Variants in METTL6 observed in about 807,000 individuals in gnomAD.
METTL6 encodes the protein methyltransferase 6, tRNA N3-cytidine.
METTL6 carries 22 observed loss-of-function variants against 26.4 expected under a neutral mutation model. The ratio of observed to expected loss-of-function variants is 0.83; its 90% CI spans 0.59 to 1.19. METTL6 has a LOEUF of 1.19. Among genes scored for constraint, METTL6 ranks in the 50% most tolerant of loss-of-function variants. The probability of loss-of-function intolerance (pLI) is 0.00; values close to 1 mark genes in which losing one functional copy is unlikely to be tolerated. For missense variants in METTL6, 304 were observed against 324.8 expected, an observed-to-expected ratio of 0.94 and a Z score of 0.49; for synonymous variants, 109 against 116.2, an observed-to-expected ratio of 0.94 and a Z score of 0.40.
intron 5 of METTL6, among the ~76,000 whole-genome samples, chr3:15,412,336 C>T (rs778667524): frequency 6.6e-6 from 1 of 152,190 alleles, no homozygotes; most frequent in Non-Finnish European, 1.5e-5. Context: ...AATAAAGACT[C>T]GTACTAAGAG....
intron 3 of METTL6, among the ~76,000 whole-genome samples, chr3:15,421,029 T>C (rs2061601398): frequency 1.3e-5 from 2 of 152,202 alleles, no homozygotes; most frequent in South Asian, 2.1e-4. Context: ...GAACTAGACA[T>C]AGTCCTGTAC....
In METTL6 at chr3:15,398,314, C is replaced by A. The variant is rs528923275; in HGVS notation, c.*11+12931G>T. ...GTTCAAGTGATTCTCCTGCCTCAGCCTCCCAAGTAGCTGGGATTACAGGCG... is the reference window on the plus strand; with the variant it reads ...GTTCAAGTGATTCTCCTGCCTCAGCATCCCAAGTAGCTGGGATTACAGGCG... On this transcript the variant is annotated intron_variant, in intron 6 of 6. Transcript: ENST00000443029. Among the ~76,000 whole-genome samples, 4 of 152,280 alleles carry A rather than the reference C, an allele frequency of 2.6e-5. No individual in the cohort carries two copies. In the South Asian group the frequency reaches 8.3e-4, roughly 32 times the overall value.
chr3:15,404,758 T>C (rs1326477359), intron 6 of METTL6, among the ~76,000 whole-genome samples: 1 of 152,166 alleles, frequency 6.6e-6, no homozygotes, highest in Non-Finnish European at 1.5e-5. Context: ...TAGTGCACTG[T>C]AGCCTTGAAC....
chr3:15,411,046 C>T lies in METTL6; in HGVS notation c.*210G>A. On this transcript the variant is annotated 3_prime_UTR_variant, in exon 6 of 6. Coordinates refer to ENST00000383790, the MANE Select transcript of METTL6 (RefSeq NM_152396.4). Reference sequence around the variant, plus strand: ...TAGCTGGGATTACAGGCACTCGCCACTATGCCCAGCTAATTTTTTTGTATT... The same window carrying T: ...TAGCTGGGATTACAGGCACTCGCCATTATGCCCAGCTAATTTTTTTGTATT... 4.1e-6 allele frequency: 2 copies of T among 484,858 alleles called. No homozygotes were observed. Among genetic ancestry groups the T allele is most frequent in the South Asian group, 5.4e-5 (2 of 36,770 alleles). 30.0% of individuals were successfully genotyped at this position (484,858 alleles called of 1,614,324 possible).
downstream of METTL6, among the ~76,000 whole-genome samples, chr3:15,408,705 G>C (rs1699868404): frequency 6.6e-6 from 1 of 151,790 alleles, no homozygotes; most frequent in Non-Finnish European, 1.5e-5. Context: ...CTCCCAAGTA[G>C]GTGGGACTAC....
upstream of METTL6, chr3:15,427,545 C>G: frequency 1.8e-6 from 1 of 547,616 alleles, no homozygotes; most frequent in East Asian, 3.4e-5. Flanking sequence ...CGCTAGGAAC[C>G]CGGAAGTTCC....
At chr3:15,391,971 G>A (rs1699361762) in intron 6 of METTL6, among the ~76,000 whole-genome samples, 1 of 152,154 alleles carries the variant, frequency 6.6e-6, no homozygotes, top group Admixed American at 6.5e-5. Flanking sequence ...ATGTGCATGT[G>A]TCTTTATAGC....
At chr3:15,425,753 T>A (rs1056263454) in intron 2 of METTL6, among the ~76,000 whole-genome samples, 5 of 152,128 alleles carry the variant, frequency 3.3e-5, no homozygotes, top group Admixed American at 2.6e-4. Flanking sequence ...AACTATCAGA[T>A]CAGCTTAAAG....
chr3:15,411,532 A>T (rs966759065), intron 5 of METTL6, 95 bp from the exon 6 acceptor site: 2 of 1,232,572 alleles, frequency 1.6e-6, no homozygotes, highest in Admixed American at 2.9e-5. Context: ...GGCTATTTTA[A>T]TATTTTTTTA....
At chr3:15,398,740 C>T (rs185203872) in intron 6 of METTL6, among the ~76,000 whole-genome samples, 6 of 152,286 alleles carry the variant, frequency 3.9e-5, no homozygotes, top group Admixed American at 1.3e-4. Flanking sequence ...GTCCTAGCTA[C>T]TCAGGAGGCT....
rs1236142585 is a variant in METTL6 at position 15,409,903 on chromosome 3, T to A, written c.*1353A>T. Among the ~76,000 whole-genome samples the A allele has an allele frequency of 1.3e-5, 2 of 152,082 alleles. No homozygotes were observed. Among genetic ancestry groups the A allele is most frequent in the African/African-American group, 4.8e-5 (2 of 41,378 alleles). ...ACAGAACACTCCTTTAGGCTAGAAA[T>A]ATATATGAGTGTCTTATTTTAGTCT... On this transcript the variant is annotated 3_prime_UTR_variant, in exon 6 of 6. Coordinates refer to ENST00000383790, the MANE Select transcript of METTL6 (RefSeq NM_152396.4).
chr3:15,423,125 G>C (rs2061642707), intron 3 of METTL6, among the ~76,000 whole-genome samples: 1 of 152,214 alleles, frequency 6.6e-6, no homozygotes, highest in Admixed American at 6.5e-5. Context: ...GCCAGGCGTG[G>C]TGGCTCACGC....
At chr3:15,406,619 TATATATATATAGAGAGAGAGAG>T (rs1402908275), downstream of METTL6, among the ~76,000 whole-genome samples, 6 of 43,476 alleles carry the variant, frequency 1.4e-4, no homozygotes, top group Admixed American at 5.3e-4. Context: ...TATATATATA[TATATATATATAGAGAGAGAGAG>T]AGAGAGAGAG....
chr3:15,413,609 A>G (rs1575419997), intron 5 of METTL6: 1 of 1,172,062 alleles, frequency 8.5e-7, no homozygotes, highest in South Asian at 1.7e-5. Flanking sequence ...AACAGATCCA[A>G]TCAATTCTAC....
intron 6 of METTL6, among the ~76,000 whole-genome samples, chr3:15,385,682 A>C (rs190773748): frequency 6.6e-6 from 1 of 152,226 alleles, no homozygotes; most frequent in South Asian, 2.1e-4. Flanking sequence ...CAACATAACA[A>C]GACCCTGTCT....
At chr3:15,394,476 G>GT (rs1174945631) in intron 6 of METTL6, among the ~76,000 whole-genome samples, 7 of 150,902 alleles carry the variant, frequency 4.6e-5, no homozygotes, top group Admixed American at 4.0e-4. Context: ...TTTTTGAAGG[G>GT]TTTTTTGTGT....
rs557125514 is a variant in METTL6, at chr3:15,392,362, ATTTG to A, written c.*12-8179_*12-8176del. 1.6e-3 allele frequency among the ~76,000 whole-genome samples: 239 copies of A among 151,984 alleles called. 1 individual carries two copies. The highest frequency in any genetic ancestry group is 5.5e-3 in the African/African-American group (227 of 41,418). ...GATGGGGTTGTTTTTTTTCTTGTAA[ATTTG>A]TTTGAGTTCATTGTAGATTCTGGAT... On this transcript the variant is annotated intron_variant, in intron 6 of 6. Transcript: ENST00000443029.
chr3:15,415,164 T>C lies in METTL6; in HGVS notation c.531+608A>G, dbSNP rs1353504100. 3.3e-5 allele frequency among the ~76,000 whole-genome samples: 5 copies of C among 152,226 alleles called. No homozygotes were observed. The East Asian group carries it at 7.7e-4, about 23-fold the overall frequency. Reference sequence around the variant, plus strand: ...CATTGTGCCACAATGTATAGCTCAATCACGGTGCTAATGACTGATACATGC... The same window carrying C: ...CATTGTGCCACAATGTATAGCTCAACCACGGTGCTAATGACTGATACATGC... On this transcript the variant is annotated intron_variant, in intron 4 of 5. Coordinates refer to ENST00000383790, the MANE Select transcript of METTL6 (RefSeq NM_152396.4).
intron 4 of METTL6, among the ~76,000 whole-genome samples, chr3:15,415,343 G>C (rs752374211): frequency 3.9e-5 from 6 of 152,178 alleles, no homozygotes; most frequent in Non-Finnish European, 8.8e-5. Flanking sequence ...GCTTTTTTTA[G>C]ACAAGGTCTT....
Sources: allele counts gnomAD v4.1 joint callset (sites outside exome capture counted in the v4.1 genomes callset), GRCh38; gene constraint gnomAD v4.1.1; transcripts MANE v1.5; gene names NCBI Gene and HGNC (gene_info 2026-07-23, HGNC 2026-07-21).